The following ATP5F1A variants were observed in gnomAD, a reference collection of about 807,000 sequenced individuals.
ATP5F1A encodes ATP synthase F1 subunit alpha, also known as ATP synthase F(1) complex subunit alpha, mitochondrial.
In ATP5F1A, 24 loss-of-function variants were observed where a neutral mutation model predicts 57.4. The observed-to-expected ratio is 0.42, with a 90% CI of 0.30 to 0.59. The LOEUF is 0.59. Ranked by LOEUF, ATP5F1A falls within the 20% of genes least tolerant of loss-of-function variation. The probability of loss-of-function intolerance (pLI) is 0.19; values close to 1 mark genes in which losing one functional copy is unlikely to be tolerated. For synonymous variants in ATP5F1A, 251 were observed against 255.5 expected (o/e 0.98, Z 0.17); for missense variants, 494 against 707.9 (o/e 0.70, Z 3.43).
At chr18:46,091,261 T>C (rs1341219727) in intron 3 of ATP5F1A, among the ~76,000 whole-genome samples, 1 of 152,196 alleles carries the variant, frequency 6.6e-6, no homozygotes, top group Non-Finnish European at 1.5e-5. Flanking sequence ...TTCTGATAGC[T>C]ACACCAAAAC....
At chr18:46,098,353 C>T (rs1911139021), upstream of ATP5F1A, 3 of 1,367,418 alleles carry the variant, frequency 2.2e-6, no homozygotes, top group Non-Finnish European at 2.8e-6. Flanking sequence ...AGTACTGCCC[C>T]TCGCGTTCAC....
chr18:46,084,591 T>A lies in ATP5F1A; in HGVS notation c.1493A>T (p.Lys498Ile). ...CTTTGTAATCTTGCTGGGCTCCAGT[T>A]TATCAAGATATCCCCTTACACCCGC... ...IYAGVRGYLD[K>I]LEPSKITKFE... Residue 498 changes from lysine (K) to isoleucine (I), a missense_variant, in exon 11 of 12, where the codon AAA becomes ATA. By Grantham distance (102) the Lys-to-Ile change is moderately radical. This residue lies in a region of ATP5F1A where 127 missense variants were observed against 195.2 expected (regional missense o/e 0.65). Transcript: ENST00000398752. 1 of 1,612,844 alleles carries A rather than the reference T, an allele frequency of 6.2e-7. No individual in the cohort carries two copies. The highest frequency in any genetic ancestry group is 8.5e-7 in the Non-Finnish European group (1 of 1,179,774).
At chr18:46,103,734 T>G (rs1450791761) in intron 1 of ATP5F1A, among the ~76,000 whole-genome samples, 1 of 149,744 alleles carries the variant, frequency 6.7e-6, no homozygotes, top group African/African-American at 2.5e-5. Context: ...GCCAATATGG[T>G]GAAACCCCGT....
upstream of ATP5F1A, among the ~76,000 whole-genome samples, chr18:46,100,911 A>T (rs1179446791): frequency 6.6e-6 from 1 of 152,072 alleles, no homozygotes; most frequent in Non-Finnish European, 1.5e-5. Flanking sequence ...CGTCTCTGCT[A>T]AAAATACAAA....
chr18:46,097,442 C>T (rs1291534688), intron 1 of ATP5F1A, among the ~76,000 whole-genome samples: 3 of 152,098 alleles, frequency 2.0e-5, no homozygotes, highest in Admixed American at 6.5e-5. Flanking sequence ...AATTCTCCAT[C>T]ACTAAAAATT....
chr18:46,101,362 C>T (rs1385439581), upstream of ATP5F1A, among the ~76,000 whole-genome samples: 4 of 151,394 alleles, frequency 2.6e-5, no homozygotes, highest in African/African-American at 2.4e-5. Flanking sequence ...GTCAGGAGTT[C>T]AAGACCAGCC....
At chr18:46,100,269 A>G (rs1169130940), upstream of ATP5F1A, among the ~76,000 whole-genome samples, 293 of 149,786 alleles carry the variant, frequency 2.0e-3, 1 homozygote, top group Middle Eastern at 6.8e-3. Context: ...AAAAAAAAAA[A>G]AAAGAAAGAA....
chr18:46,100,731 G>A (rs2853802), upstream of ATP5F1A, among the ~76,000 whole-genome samples: 25,940 of 152,142 alleles, frequency 0.17, 3,241 homozygotes, highest in East Asian at 0.39. Flanking sequence ...TAGGTAAAAC[G>A]ATCCTTAGAG....
At chr18:46,090,817 G>A (rs1298511089) in intron 3 of ATP5F1A, among the ~76,000 whole-genome samples, 1 of 152,104 alleles carries the variant, frequency 6.6e-6, no homozygotes, top group East Asian at 1.9e-4. Flanking sequence ...AGTATAGTAG[G>A]TACCATATTA....
chr18:46,085,946 A>G, intron 10 of ATP5F1A, 167 bp downstream of exon 10: 1 of 833,822 alleles, frequency 1.2e-6, no homozygotes, highest in Non-Finnish European at 1.8e-6. Flanking sequence ...AAAAAAAAAA[A>G]AATCAAAAAT....
chr18:46,101,268 T>A (rs1409549214), upstream of ATP5F1A, among the ~76,000 whole-genome samples: 1 of 151,708 alleles, frequency 6.6e-6, no homozygotes, highest in Admixed American at 6.6e-5. Flanking sequence ...AAAATATCGT[T>A]TCTAAAAACA....
At chr18:46,098,773 G>A (rs753614774), upstream of ATP5F1A, among the ~76,000 whole-genome samples, 1 of 152,196 alleles carries the variant, frequency 6.6e-6, no homozygotes, top group Non-Finnish European at 1.5e-5. Flanking sequence ...GCAGATCTTA[G>A]CCCCACTTCA....
rs758201740 is a variant in ATP5F1A, at chr18:46,087,284, A to G, written c.952-52T>C. The G allele has an allele frequency of 6.2e-6, 10 of 1,611,604 alleles. No individual in the cohort carries two copies. The East Asian group carries it at 8.9e-5, about 14-fold the overall frequency. ...TTAACCTATTAAATAGAAGTTGCAT[A>G]TGTGAACTTTTACTTCAGTACAAAT... On this transcript the variant is annotated intron_variant, in intron 7 of 11. Coordinates refer to ENST00000398752, the MANE Select transcript of ATP5F1A (RefSeq NM_004046.6).
At chr18:46,091,348 G>C (rs1405176146) in intron 3 of ATP5F1A, among the ~76,000 whole-genome samples, 4 of 152,162 alleles carry the variant, frequency 2.6e-5, no homozygotes, top group South Asian at 2.1e-4. Flanking sequence ...AAATTTTGTT[G>C]AAGTTATCAA....
At chr18:46,094,461 G>A (rs1230876237) in intron 2 of ATP5F1A, among the ~76,000 whole-genome samples, 1 of 152,108 alleles carries the variant, frequency 6.6e-6, no homozygotes, top group African/African-American at 2.4e-5. Flanking sequence ...AAGGTCAGGA[G>A]ATCGAGACCA....
chr18:46,095,875 T>A (rs899669708), intron 1 of ATP5F1A, among the ~76,000 whole-genome samples: 9 of 150,606 alleles, frequency 6.0e-5, no homozygotes, highest in African/African-American at 2.2e-4. Context: ...GCAGTAAATA[T>A]ATATATACAC....
rs1910155725 is a variant in ATP5F1A at position 46,087,068 on chromosome 18, T to G, written c.1116A>C (p.Thr372=). The G allele has an allele frequency of 6.2e-7, 1 of 1,613,920 alleles. No homozygotes were observed. The highest frequency in any genetic ancestry group is 8.5e-7 in the Non-Finnish European group (1 of 1,179,916). ...GSLTALPVIE[T]QAGDVSAYIP... ...TGTAAGCAGACACATCACCAGCCTG[T>G]GTTTCTATGACTGGCAAAGCAGTCA... is the stretch of plus-strand genomic sequence containing the variant. The change falls in exon 8 of 12, where the codon ACA becomes ACC. Residue 372 remains threonine, a synonymous_variant. Transcript: ENST00000398752.
chr18:46,103,375 C>T (rs568722902), intron 1 of ATP5F1A, among the ~76,000 whole-genome samples: 26 of 151,818 alleles, frequency 1.7e-4, no homozygotes, highest in South Asian at 1.3e-3. Context: ...CCAAGGCGGG[C>T]GGATCACCTG....
chr18:46,086,816 T>C, intron 8 of ATP5F1A, 192 bp downstream of exon 8: 1 of 651,892 alleles, frequency 1.5e-6, no homozygotes, highest in Non-Finnish European at 2.6e-6. Flanking sequence ...CATGCTACTC[T>C]ATGCAATAAC....
Sources: gnomAD v4.1 joint callset for allele counts (sites outside exome capture counted in the v4.1 genomes callset) on GRCh38, gnomAD v4.1.1 for gene constraint, gnomAD v4.1.1 regional missense constraint, MANE v1.5 for transcripts, NCBI Gene and HGNC (gene_info 2026-07-23, HGNC 2026-07-21) for gene names.